Variants in ARRDC5 observed in about 807,000 individuals in gnomAD.
ARRDC5 encodes the protein arrestin domain-containing protein 5.
In ARRDC5, 12 loss-of-function variants were observed where a neutral mutation model predicts 13.3. The ratio of observed to expected loss-of-function variants is 0.90; its 90% CI spans 0.58 to 1.46. The LOEUF (loss-of-function observed/expected upper bound fraction) is 1.46. Ranked by LOEUF, ARRDC5 falls within the 40% of genes most tolerant of loss-of-function variation. The pLI, the probability that ARRDC5 is intolerant of heterozygous loss-of-function variation, is 0.00. For missense variants in ARRDC5, 406 were observed against 418.7 expected (o/e 0.97, Z 0.26); for synonymous variants, 181 against 173.4 (o/e 1.04, Z -0.34).
chr19:4,901,670 A>G (rs1000896579), intron 1 of ARRDC5, among the ~76,000 whole-genome samples: 1 of 152,098 alleles, frequency 6.6e-6, no homozygotes, highest in African/African-American at 2.4e-5. Flanking sequence ...AAATAAATTA[A>G]ATTAAATTAC....
At position 4,891,351 on chromosome 19, in the gene ARRDC5, G is replaced by A. The variant is rs374682006; in HGVS notation, c.682C>T (p.Arg228Trp). ...YEGFTPSAER[R>W]SRLDSSELLR... The stretch of plus-strand genomic sequence containing the variant: ...AGCTCGCTGCTGTCCAGCCGAGACC[G>A]CCGCTCTGCACTGGGCGTGAAGCCC... The change falls in exon 3 of 3, where the codon CGG becomes TGG. Residue 228 changes from arginine to tryptophan, a missense_variant. Coordinates refer to ENST00000650722, the MANE Select transcript of ARRDC5 (RefSeq NM_001080523.3). The A allele has an allele frequency of 3.2e-5, 52 of 1,613,772 alleles. No individual in the cohort carries two copies. The highest frequency in any genetic ancestry group is 3.1e-4 in the South Asian group (28 of 91,080).
Position 4,896,680 on chromosome 19 carries a change from G to A in ARRDC5, c.450C>T (p.Thr150=). ...TTTCCCCCATCGGTACCTGGAATGGGGTTTCTTTGTGGAAGGTGGAAGTTC... is the reference window on the plus strand; with the variant it reads ...TTTCCCCCATCGGTACCTGGAATGGAGTTTCTTTGTGGAAGGTGGAAGTTC... ...VQGTSTFHKE[T]PFQNPLFVEA... The change falls in exon 2 of 3, where the codon ACC becomes ACT. Residue 150 remains threonine, a synonymous_variant. Coordinates refer to ENST00000650722, the MANE Select transcript of ARRDC5 (RefSeq NM_001080523.3). 1.2e-6 allele frequency: 2 copies of A among 1,611,604 alleles called. No homozygotes were observed. The highest frequency in any genetic ancestry group is 1.7e-6 in the Non-Finnish European group (2 of 1,178,004).
chr19:4,902,080 G>C (rs1228930512), intron 1 of ARRDC5, among the ~76,000 whole-genome samples: 1 of 152,102 alleles, frequency 6.6e-6, no homozygotes, highest in Non-Finnish European at 1.5e-5. Context: ...GGTAGAGATG[G>C]GGTTTCGCTA....
At chr19:4,916,480 G>T in the ARRDC5 span, among the ~76,000 whole-genome samples, 23 of 152,300 alleles carry the variant, frequency 1.5e-4, 1 homozygote, top group African/African-American at 5.1e-4. Context: ...GACAGTGATC[G>T]TGGTGTCTTT....
the ARRDC5 span, chr19:4,910,690 C>T: frequency 1.2e-5 from 6 of 506,976 alleles, no homozygotes; most frequent in Non-Finnish European, 2.0e-5. Flanking sequence ...TCGTTAATGC[C>T]TTAAGTGCTT....
the ARRDC5 span, chr19:4,910,734 C>T: frequency 1.6e-5 from 15 of 944,070 alleles, no homozygotes; most frequent in Non-Finnish European, 2.3e-5. Flanking sequence ...CAGGGTCTGG[C>T]TGTACAGGAG....
At chr19:4,898,509 G>A (rs1329002559) in intron 1 of ARRDC5, among the ~76,000 whole-genome samples, 2 of 151,950 alleles carry the variant, frequency 1.3e-5, no homozygotes, top group Admixed American at 1.3e-4. Context: ...TTACAGGTGT[G>A]TACCACCATG....
Position 4,898,640 on chromosome 19 carries a change from G to T in ARRDC5, c.254-1764C>A, listed in dbSNP as rs1312295728. On this transcript the variant is annotated intron_variant, in intron 1 of 2. Transcript: ENST00000650722. Reference sequence around the variant, plus strand: ...GCCTCCCAAAGGGCTGGGATTACAGGCATAAGCCATCAGGCGGGCTTGGCC... The same window carrying T: ...GCCTCCCAAAGGGCTGGGATTACAGTCATAAGCCATCAGGCGGGCTTGGCC... Among the ~76,000 whole-genome samples the T allele has an allele frequency of 9.4e-5, 14 of 149,098 alleles. No individual in the cohort carries two copies. The Admixed American group carries it at 9.5e-4, about 10-fold the overall frequency.
At chr19:4,899,976 C>T (rs1455483011) in intron 1 of ARRDC5, among the ~76,000 whole-genome samples, 4 of 149,230 alleles carry the variant, frequency 2.7e-5, no homozygotes, top group African/African-American at 9.8e-5. Flanking sequence ...AAACAACTAG[C>T]AACATTTTTT....
upstream of ARRDC5, among the ~76,000 whole-genome samples, chr19:4,907,144 C>G (rs74321107): frequency 6.6e-6 from 1 of 152,224 alleles, no homozygotes; most frequent in African/African-American, 2.4e-5. Flanking sequence ...GAGCCTTGCT[C>G]TGTCACCCAG....
chr19:4,899,555 C>T (rs35814703), intron 1 of ARRDC5, among the ~76,000 whole-genome samples: 33,049 of 151,204 alleles, frequency 0.22, 4,458 homozygotes, highest in East Asian at 0.57. Context: ...TTGCTTGAAC[C>T]CAGGAGGTGG....
chr19:4,904,560 G>A (rs187737194), upstream of ARRDC5, among the ~76,000 whole-genome samples: 2 of 152,040 alleles, frequency 1.3e-5, no homozygotes, highest in Admixed American at 6.6e-5. Context: ...TGATCCACCC[G>A]CCTCACTTGG....
intron 1 of ARRDC5, among the ~76,000 whole-genome samples, chr19:4,898,202 A>G (rs926837339): frequency 1.3e-5 from 2 of 152,144 alleles, no homozygotes; most frequent in Non-Finnish European, 2.9e-5. Context: ...ATATTGATTG[A>G]CCAACTGAGT....
chr19:4,906,414 A>G (rs1481810108), upstream of ARRDC5, among the ~76,000 whole-genome samples: 1 of 152,164 alleles, frequency 6.6e-6, no homozygotes, highest in African/African-American at 2.4e-5. Flanking sequence ...CTTAACTTCC[A>G]TTATCCAAGG....
the ARRDC5 span, among the ~76,000 whole-genome samples, chr19:4,913,629 G>A: frequency 6.6e-6 from 1 of 151,966 alleles, no homozygotes; most frequent in Non-Finnish European, 1.5e-5. Flanking sequence ...GAACTCACCC[G>A]GACTGAACAG....
intron 1 of ARRDC5, among the ~76,000 whole-genome samples, chr19:4,900,054 A>G (rs2031865690): frequency 6.6e-6 from 1 of 151,028 alleles, no homozygotes; most frequent in South Asian, 2.1e-4. Flanking sequence ...GGCTCACTGC[A>G]ACCTCCGTCT....
intron 1 of ARRDC5, 56 bp from the exon 2 acceptor site, chr19:4,896,932 T>A: frequency 7.9e-7 from 1 of 1,260,646 alleles, no homozygotes; most frequent in Non-Finnish European, 1.1e-6. Context: ...TTTTCCTTCT[T>A]CTTCTTTTTT....
At chr19:4,911,418 G>T in the ARRDC5 span, among the ~76,000 whole-genome samples, 1 of 152,146 alleles carries the variant, frequency 6.6e-6, no homozygotes, top group African/African-American at 2.4e-5. Flanking sequence ...AGGGGACCAG[G>T]TTTTCTTTTT....
At chr19:4,900,143 CTTT>C (rs35303447) in intron 1 of ARRDC5, among the ~76,000 whole-genome samples, 858 of 84,208 alleles carry the variant, frequency 0.01, 2 homozygotes, top group African/African-American at 0.048. Flanking sequence ...CTGTTTCTTT[CTTT>C]TTTTTTTTTT....
Sources: gnomAD v4.1 joint callset for allele counts (sites outside exome capture counted in the v4.1 genomes callset) on GRCh38, gnomAD v4.1.1 for gene constraint, MANE v1.5 for transcripts, NCBI Gene and HGNC (gene_info 2026-07-23, HGNC 2026-07-21) for gene names.